The following SLC1A2 variants were observed in gnomAD, a reference collection of about 807,000 sequenced individuals.
SLC1A2 encodes solute carrier family 1 member 2, also known as excitatory amino acid transporter 2.
SLC1A2 carries 15 observed loss-of-function variants against 48.8 expected under a neutral mutation model. That is an observed-to-expected ratio of 0.31 (90% CI 0.21 to 0.47). The LOEUF (loss-of-function observed/expected upper bound fraction) is 0.47. Ranked by LOEUF, SLC1A2 falls within the 20% of genes least tolerant of loss-of-function variation. The pLI is 0.99. For missense variants in SLC1A2, 502 were observed against 730.5 expected (o/e 0.69, Z 3.61); for synonymous variants, 279 against 272.6 (o/e 1.02, Z -0.23).
chr11:35,294,021 C>T (rs746076129), intron 6 of SLC1A2, among the ~76,000 whole-genome samples: 5 of 152,144 alleles, frequency 3.3e-5, no homozygotes, highest in Non-Finnish European at 7.4e-5. Context: ...AAACCCCTCT[C>T]GCATCTCTGT....
Position 35,251,377 on chromosome 11 carries a change from G to A in SLC1A2, c.*9517C>T, listed in dbSNP as rs1466240347. ...TAAGAAAGCTTAGAAAGCTAAAGGC[G>A]AAAACAAAAGACCTCAACTACCCAA... On this transcript the variant is annotated 3_prime_UTR_variant, in exon 11 of 11. Coordinates refer to ENST00000278379, the MANE Select transcript of SLC1A2 (RefSeq NM_004171.4). 2 of 152,580 alleles carry A rather than the reference G, an allele frequency of 1.3e-5. No homozygotes were observed. The highest frequency in any genetic ancestry group is 2.9e-5 in the Non-Finnish European group (2 of 68,022). The allele number at this position is 152,580 out of a possible 1,614,324, so 9.5% of individuals were successfully genotyped here. A position where few individuals can be genotyped will look rare whatever the true frequency, so the allele number is the denominator to read the frequency against.
chr11:35,307,814 G>T (rs1851560928), intron 4 of SLC1A2, among the ~76,000 whole-genome samples: 1 of 152,216 alleles, frequency 6.6e-6, no homozygotes, highest in African/African-American at 2.4e-5. Flanking sequence ...AAATGGATGG[G>T]AAGGGAGGTC....
At chr11:35,418,039 G>A (rs559773169) in intron 1 of SLC1A2, among the ~76,000 whole-genome samples, 1 of 152,298 alleles carries the variant, frequency 6.6e-6, no homozygotes, top group East Asian at 1.9e-4. Flanking sequence ...AAAGGGCTGA[G>A]CTGCCCAGTC....
At chr11:35,271,924 T>G (rs926925409) in intron 9 of SLC1A2, among the ~76,000 whole-genome samples, 1 of 152,088 alleles carries the variant, frequency 6.6e-6, no homozygotes, top group Non-Finnish European at 1.5e-5. Flanking sequence ...GAGGTAGTGA[T>G]AGAAGCCAGC....
At chr11:35,312,593 C>A in intron 3 of SLC1A2, 145 bp from the exon 4 acceptor site, 1 of 992,016 alleles carries the variant, frequency 1.0e-6, no homozygotes, top group Non-Finnish European at 1.5e-6. Flanking sequence ...CCTCAATATC[C>A]ATGAGAGGGT....
chr11:35,372,787 A>ATT (rs1480504002), intron 1 of SLC1A2, among the ~76,000 whole-genome samples: 1 of 152,234 alleles, frequency 6.6e-6, no homozygotes. Flanking sequence ...ATTATAATCA[A>ATT]TAACTCTTAG....
At chr11:35,277,865 C>T (rs905711941) in intron 9 of SLC1A2, among the ~76,000 whole-genome samples, 1 of 152,208 alleles carries the variant, frequency 6.6e-6, no homozygotes, top group African/African-American at 2.4e-5. Context: ...GTCTCTAGAC[C>T]ACTGCCAATG....
At chr11:35,361,066 G>T (rs1853664334) in intron 1 of SLC1A2, among the ~76,000 whole-genome samples, 1 of 151,936 alleles carries the variant, frequency 6.6e-6, no homozygotes, top group African/African-American at 2.4e-5. Flanking sequence ...AGTAGAGATG[G>T]GGTTTCACCA....
chr11:35,405,595 G>A (rs900144169), intron 1 of SLC1A2, among the ~76,000 whole-genome samples: 1 of 152,202 alleles, frequency 6.6e-6, no homozygotes, highest in Admixed American at 6.5e-5. Flanking sequence ...GGGAAAGACA[G>A]AGGATGGGCT....
chr11:35,325,562 C>T (rs1250258184), intron 1 of SLC1A2, among the ~76,000 whole-genome samples: 2 of 152,186 alleles, frequency 1.3e-5, no homozygotes, highest in Non-Finnish European at 2.9e-5. Flanking sequence ...CTTTGTGACA[C>T]TCCATTGTAA....
At position 35,269,061 on chromosome 11, in the gene SLC1A2, T is replaced by C. The variant is rs192324316; in HGVS notation, c.1422-3303A>G. Among the ~76,000 whole-genome samples the C allele has an allele frequency of 1.1e-4, 17 of 152,248 alleles. No homozygotes were observed. In the East Asian group the frequency reaches 1.2e-3, roughly 10 times the overall value. The stretch of plus-strand genomic sequence containing the variant: ...GTGATGGTATTTGGAGATGGGACCA[T>C]TGGGAGGTGATTAGGTCACAAGGGT... On this transcript the variant is annotated intron_variant, in intron 9 of 10. Transcript: ENST00000278379.
Position 35,254,827 on chromosome 11 carries a change from G to T in SLC1A2, c.*6067C>A, listed in dbSNP as rs1447138457. On this transcript the variant is annotated 3_prime_UTR_variant, in exon 11 of 11. Coordinates refer to ENST00000278379, the MANE Select transcript of SLC1A2 (RefSeq NM_004171.4). ...AAGGGCCCTGTGTAAAAACCAGAAG[G>T]ATTTTGTAAAATATCAAAATGAATA... 1 of 455,344 alleles carries T rather than the reference G, an allele frequency of 2.2e-6. No individual in the cohort carries two copies. Among genetic ancestry groups the T allele is most frequent in the Non-Finnish European group, 4.4e-6 (1 of 226,756 alleles). The allele number at this position is 455,344 out of a possible 1,614,324, so 28.2% of individuals were successfully genotyped here.
Position 35,315,134 on chromosome 11 carries a change from C to A in SLC1A2, c.199G>T (p.Ala67Ser). Residue 67 changes from alanine to serine, a missense_variant, in exon 3 of 11, where the codon GCA becomes TCA. Transcript: ENST00000278379. ...GAVCGGLLRL[A>S]SPIHPDVVML... is the part of the protein sequence containing the mutation. ...ACCACATCAGGGTGGATGGGAGATG[C>A]CAAGCGAAGAAGCCCTCCACACACT... The A allele has an allele frequency of 1.9e-6, 3 of 1,613,116 alleles. No individual in the cohort carries two copies. Among genetic ancestry groups the A allele is most frequent in the South Asian group, 2.2e-5 (2 of 91,052 alleles).
At chr11:35,367,230 C>T (rs1158244378) in intron 1 of SLC1A2, among the ~76,000 whole-genome samples, 2 of 152,228 alleles carry the variant, frequency 1.3e-5, no homozygotes, top group African/African-American at 4.8e-5. Context: ...GTAGATTTGA[C>T]CCTGAGCTAT....
chr11:35,317,426 G>A lies in SLC1A2; in HGVS notation c.108C>T (p.Arg36=). The A allele has an allele frequency of 6.2e-7, 1 of 1,614,200 alleles. No homozygotes were observed. Among genetic ancestry groups the A allele is most frequent in the East Asian group, 2.2e-5 (1 of 44,876 alleles). The change falls in exon 2 of 11, where the codon CGC becomes CGT. Residue 36 remains arginine, a synonymous_variant. Coordinates refer to ENST00000278379, the MANE Select transcript of SLC1A2 (RefSeq NM_004171.4). The part of the protein sequence containing the change: ...EEPKHRHLGL[R]LCDKLGKNLL... ...GATTCTTCCCCAGCTTGTCACACAG[G>A]CGCAGGCCCAGGTGCCGGTGCTTGG...
chr11:35,365,618 T>C (rs1853816474), intron 1 of SLC1A2, among the ~76,000 whole-genome samples: 1 of 151,296 alleles, frequency 6.6e-6, no homozygotes, highest in Admixed American at 6.6e-5. Context: ...TCTGCAGACT[T>C]CCCTGACCAT....
intron 1 of SLC1A2, among the ~76,000 whole-genome samples, chr11:35,324,319 G>T (rs1852170002): frequency 6.6e-6 from 1 of 152,208 alleles, no homozygotes; most frequent in African/African-American, 2.4e-5. Context: ...ACTGTCAGAA[G>T]ACAAGTTGGT....
At chr11:35,282,484 G>C (rs1042889896) in intron 8 of SLC1A2, among the ~76,000 whole-genome samples, 7 of 152,144 alleles carry the variant, frequency 4.6e-5, no homozygotes, top group Non-Finnish European at 1.0e-4. Flanking sequence ...CTTACAAGAG[G>C]CTGGGCACAT....
intron 1 of SLC1A2, among the ~76,000 whole-genome samples, chr11:35,387,646 T>A (rs1158612346): frequency 1.3e-5 from 2 of 152,194 alleles, no homozygotes; most frequent in Non-Finnish European, 2.9e-5. Context: ...TTGTGAATGT[T>A]GAATTACTGA....
Sources: allele counts gnomAD v4.1 joint callset (sites outside exome capture counted in the v4.1 genomes callset), GRCh38; gene constraint gnomAD v4.1.1; transcripts MANE v1.5; gene names NCBI Gene and HGNC (gene_info 2026-07-23, HGNC 2026-07-21).